CAPN15: variants seen among roughly 807,000 people sequenced by gnomAD.
The protein encoded by CAPN15 is calpain-15.
A neutral mutation model predicts 97.9 loss-of-function variants in CAPN15; 53 were observed. That is an observed-to-expected ratio of 0.54 (90% confidence interval 0.43 to 0.68). CAPN15 has a LOEUF of 0.68. Ranked by LOEUF, CAPN15 falls within the 30% of genes least tolerant of loss-of-function variation. CAPN15 has a pLI of 0.00. For synonymous variants in CAPN15, 922 were observed against 722.5 expected (o/e 1.28, Z -4.43); for missense variants, 1,592 against 1,589.8 (o/e 1.00, Z -0.02).
intron 7 of CAPN15, among the ~76,000 whole-genome samples, chr16:550,420 T>TG (rs1322764433): frequency 2.0e-5 from 3 of 152,312 alleles, no homozygotes; most frequent in Admixed American, 6.5e-5. Context: ...TCAGGCATGG[T>TG]GGAGGGGGCT....
rs376117200 is a variant in CAPN15, at chr16:549,031, G to A, written c.1488G>A (p.Gly496=). The change falls in exon 5 of 14, where the codon GGG becomes GGA. Residue 496 remains glycine (G), a synonymous_variant. Transcript: ENST00000219611. ...TCGTGGATGACAGCTTCCCTCCCGGGCCCGAGTCTGTCGGCTTCCCCGCGG... is the reference window on the plus strand; with the variant it reads ...TCGTGGATGACAGCTTCCCTCCCGGACCCGAGTCTGTCGGCTTCCCCGCGG... ...VSFVDDSFPP[G]PESVGFPAGD... is the part of the protein sequence containing the mutation. The A allele has an allele frequency of 4.3e-6, 7 of 1,612,642 alleles. No individual in the cohort carries two copies. The African/African-American group carries it at 9.3e-5, about 22-fold the overall frequency.
intron 1 of CAPN15, among the ~76,000 whole-genome samples, chr16:532,110 T>C (rs1397280687): frequency 6.6e-6 from 1 of 151,610 alleles, no homozygotes; most frequent in Non-Finnish European, 1.5e-5. Context: ...TGTGGTGGTG[T>C]GTGCCTGTAA....
chr16:552,941 A>C lies in CAPN15; in HGVS notation c.2983A>C (p.Lys995Gln). The change falls in exon 13 of 14, where the codon AAG becomes CAG. Residue 995 changes from lysine to glutamine, a missense_variant. Coordinates refer to ENST00000219611, the MANE Select transcript of CAPN15 (RefSeq NM_005632.3). The surrounding 1 kb of genome is among the most constrained non-coding windows in gnomAD (Gnocchi z 6.4). ...CGTGGTGGTGGAGAACCGACACCCCAAGGCCTACCTGCACGTGCAGTGTGA... is the reference window on the plus strand; with the variant it reads ...CGTGGTGGTGGAGAACCGACACCCCCAGGCCTACCTGCACGTGCAGTGTGA... ...LIVVVENRHP[K>Q]AYLHVQCDCT... 6.2e-7 allele frequency: 1 copy of C among 1,611,720 alleles called. No individual in the cohort carries two copies. The highest frequency in any genetic ancestry group is 8.5e-7 in the Non-Finnish European group (1 of 1,179,442).
chr16:553,493 C>A lies in CAPN15; in HGVS notation c.3238C>A (p.Leu1080Met). ...SPPLTPEVAG[L>M]HGPRPL Reference sequence around the variant, plus strand: ...CCCACTCACGCCAGAGGTCGCCGGTCTGCATGGGCCCCGACCGCTGTGACC... The same window carrying A: ...CCCACTCACGCCAGAGGTCGCCGGTATGCATGGGCCCCGACCGCTGTGACC... Residue 1080 changes from leucine (L) to methionine (M), a missense_variant, in exon 14 of 14, where the codon CTG becomes ATG. This residue lies in a region of CAPN15 where 644 missense variants were observed against 699.6 expected (regional missense o/e 0.92). Transcript: ENST00000219611. 1 of 1,609,944 alleles carries A rather than the reference C, an allele frequency of 6.2e-7. No individual in the cohort carries two copies. Among genetic ancestry groups the A allele is most frequent in the Non-Finnish European group, 8.5e-7 (1 of 1,178,448 alleles).
At position 547,148 on chromosome 16, in the gene CAPN15, G is replaced by T; in HGVS notation, c.310G>T (p.Glu104Ter). 6.4e-7 allele frequency: 1 copy of T among 1,551,774 alleles called. No individual in the cohort carries two copies. The highest frequency in any genetic ancestry group is 2.3e-5 in the East Asian group (1 of 43,380). The change falls in exon 4 of 14, where the codon GAA becomes TAA. Residue 104 changes from glutamate (E) to a stop codon, truncating the protein, a stop_gained. Coordinates refer to ENST00000219611, the MANE Select transcript of CAPN15 (RefSeq NM_005632.3). LOFTEE classifies it high-confidence loss of function. Reference sequence around the variant, plus strand: ...GGAGCCCAAGGGCAGCTGCCAGGAGGAAGCAGGTCCAGTGAGGACTGCGGG... The same window carrying T: ...GGAGCCCAAGGGCAGCTGCCAGGAGTAAGCAGGTCCAGTGAGGACTGCGGG... ...LGEPKGSCQE[E>*]AGPVRTAGLV...
intron 9 of CAPN15, 90 bp downstream of exon 9, chr16:551,754 C>T (rs2035096450): frequency 3.3e-6 from 5 of 1,522,600 alleles, no homozygotes; most frequent in Non-Finnish European, 3.6e-6. Flanking sequence ...CTCCTGCTGA[C>T]CTGGGGTGGG....
intron 3 of CAPN15, among the ~76,000 whole-genome samples, chr16:544,298 G>GGGCACAGGTTGCGGGGC (rs1201099511): frequency 6.6e-6 from 1 of 152,022 alleles, no homozygotes; most frequent in Non-Finnish European, 1.5e-5. Flanking sequence ...AGAGCTGTCT[G>GGGCACAGGTTGCGGGGC]GGCACAGGTT....
intron 3 of CAPN15, among the ~76,000 whole-genome samples, chr16:541,835 G>A (rs1342330486): frequency 6.6e-6 from 1 of 151,994 alleles, no homozygotes; most frequent in South Asian, 2.1e-4. Flanking sequence ...CAGAAGGTGC[G>A]TGGATGTGGG....
intron 9 of CAPN15, 142 bp downstream of exon 9, chr16:551,806 C>T: frequency 5.2e-6 from 6 of 1,147,622 alleles, no homozygotes; most frequent in South Asian, 1.3e-5. Context: ...AGCTTCAGCT[C>T]CAAGGTGCCA....
At chr16:549,235 T>TGGGGGGGGG in intron 5 of CAPN15, 34 bp downstream of exon 5, 5 of 53,078 alleles carry the variant, frequency 9.4e-5, no homozygotes, top group Admixed American at 4.1e-4. Context: ...GTGGGGCGGG[T>TGGGGGGGGG]GGGCGGGCGA....
At chr16:538,499 C>T (rs1346442974) in intron 3 of CAPN15, 1 of 152,202 alleles carries the variant, frequency 6.6e-6, no homozygotes, top group Non-Finnish European at 1.5e-5. Context: ...CTTCAACCCT[C>T]CCACGACCCC....
chr16:550,549 C>T (rs1036191425), intron 7 of CAPN15, among the ~76,000 whole-genome samples: 43 of 152,328 alleles, frequency 2.8e-4, no homozygotes, highest in African/African-American at 9.9e-4. Context: ...GTCAGCAAGG[C>T]CCCGGTCAGT....
intron 3 of CAPN15, chr16:537,962 G>A (rs1263383948): frequency 6.6e-6 from 1 of 152,260 alleles, no homozygotes; most frequent in African/African-American, 2.4e-5. Context: ...TGGAGAACGG[G>A]TCCTGGATGT....
At chr16:534,186 G>GTTCCT (rs60048498) in intron 2 of CAPN15, among the ~76,000 whole-genome samples, 188 bp downstream of exon 2, 2 of 152,270 alleles carry the variant, frequency 1.3e-5, no homozygotes, top group South Asian at 2.1e-4. Flanking sequence ...TTTGGGCCGT[G>GTTCCT]GTCCTGTCGT....
rs569032423 is a variant in CAPN15, at chr16:535,172, G to C, written c.-136-857G>C. 2.0e-5 allele frequency: 3 copies of C among 152,826 alleles called. No homozygotes were observed. The highest frequency in any genetic ancestry group is 1.3e-4 in the Admixed American group (2 of 15,284). The allele number at this position is 152,826 out of a possible 1,614,324, so 9.5% of individuals were successfully genotyped here. A position where few individuals can be genotyped will look rare whatever the true frequency, so the allele number is the denominator to read the frequency against. On this transcript the variant is annotated intron_variant, in intron 2 of 13. Transcript: ENST00000219611. The surrounding 1 kb of genome is among the most constrained non-coding windows in gnomAD (Gnocchi z 6.2). ...ATCCACTGGAGCCTCAGGAGCATGC[G>C]TTCCGTCCCCACGGGTCACCCCCAC...
In CAPN15 at chr16:552,973, C is replaced by T. The variant is rs527719684; in HGVS notation, c.3015C>T (p.Thr1005=). 89 of 1,611,508 alleles carry T rather than the reference C, an allele frequency of 5.5e-5. 1 individual carries two copies. Among genetic ancestry groups the T allele is most frequent in the Admixed American group, 8.3e-5 (5 of 59,946 alleles). The change falls in exon 13 of 14, where the codon ACC becomes ACT. Residue 1005 remains threonine, a synonymous_variant. Transcript: ENST00000219611. The surrounding 1 kb of genome is among the most constrained non-coding windows in gnomAD (Gnocchi z 6.4). ...ACCTGCACGTGCAGTGTGACTGCAC[C>T]GACAGCTTCAACGTGGTGTCCACAC... is the stretch of plus-strand genomic sequence containing the variant. The part of the protein sequence containing the change: ...KAYLHVQCDC[T]DSFNVVSTRG...
chr16:550,650 TGTCGGTGAGGGTCCCCG>T (rs892768902), intron 7 of CAPN15, among the ~76,000 whole-genome samples: 6 of 141,688 alleles, frequency 4.2e-5, no homozygotes, highest in South Asian at 2.3e-4. Context: ...GAGGGTTCCC[TGTCGGTGAGGGTCCCCG>T]GTCGGTGAGG....
chr16:550,849 T>C (rs2034977964), intron 7 of CAPN15, among the ~76,000 whole-genome samples: 2 of 107,836 alleles, frequency 1.9e-5, no homozygotes, highest in Admixed American at 9.2e-5. Flanking sequence ...ATGGCCCCGG[T>C]CGGTGAGGGT....
At chr16:531,599 G>C (rs1373416603) in intron 1 of CAPN15, among the ~76,000 whole-genome samples, 3 of 145,718 alleles carry the variant, frequency 2.1e-5, no homozygotes, top group Admixed American at 1.3e-4. Context: ...CGGCTCCCAA[G>C]GCCCCCGTCT....
Sources: allele counts gnomAD v4.1 joint callset (sites outside exome capture counted in the v4.1 genomes callset), GRCh38; gene constraint gnomAD v4.1.1; regional missense constraint gnomAD v4.1.1; non-coding constraint Gnocchi (gnomAD v3.1); transcripts MANE v1.5; gene names NCBI Gene and HGNC (gene_info 2026-07-23, HGNC 2026-07-21).